TENM3: variants seen among roughly 807,000 people sequenced by gnomAD.
The protein encoded by TENM3 is teneurin-3.
In TENM3, 63 loss-of-function variants were observed where a neutral mutation model predicts 255.1. The ratio of observed to expected loss-of-function variants is 0.25; its 90% confidence interval spans 0.20 to 0.30. The LOEUF is 0.30. TENM3 is among the 10% of genes least tolerant of loss of function. TENM3 has a pLI of 1.00. For missense variants in TENM3, 2,929 were observed against 3,461.1 expected (o/e 0.85, Z 3.86); for synonymous variants, 1,306 against 1,322.3 (o/e 0.99, Z 0.27).
intron 6 of TENM3, among the ~76,000 whole-genome samples, chr4:182,662,409 C>T (rs1217518728): frequency 6.6e-6 from 1 of 152,284 alleles, no homozygotes; most frequent in Non-Finnish European, 1.5e-5. Flanking sequence ...AGACGTGGTA[C>T]GTTTCACTCT....
the TENM3 span, among the ~76,000 whole-genome samples, chr4:182,053,602 C>T: frequency 6.6e-6 from 1 of 152,264 alleles, no homozygotes; most frequent in Non-Finnish European, 1.5e-5. Flanking sequence ...GTACTGTGCA[C>T]CTGAGCTTTG....
chr4:181,903,715 C>T, the TENM3 span, among the ~76,000 whole-genome samples: 8 of 152,198 alleles, frequency 5.3e-5, no homozygotes, highest in East Asian at 1.5e-3. Flanking sequence ...GGGAAGCAAG[C>T]TTCCTTCCTT....
Position 182,601,108 on chromosome 4 carries a change from C to A in TENM3, c.696C>A (p.Ser232=). The A allele has an allele frequency of 6.2e-7, 1 of 1,613,782 alleles. No homozygotes were observed. The highest frequency in any genetic ancestry group is 8.5e-7 in the Non-Finnish European group (1 of 1,179,856). Residue 232 remains serine (S), a synonymous_variant, in exon 4 of 28, where the codon TCC becomes TCA. Transcript: ENST00000511685. ...CCGAGCTGCAAACCACACCCGAGTC[C>A]GTCCAGCTGCAGGACAGCTGGGTCC... ...LPAELQTTPE[S]VQLQDSWVLG...
the TENM3 span, among the ~76,000 whole-genome samples, chr4:181,804,500 C>T: frequency 6.6e-6 from 1 of 152,016 alleles, no homozygotes; most frequent in East Asian, 1.9e-4. Flanking sequence ...AAGGTATACA[C>T]AGAAGGAGAA....
intron 3 of TENM3, among the ~76,000 whole-genome samples, chr4:182,390,047 T>C (rs1324357525): frequency 1.3e-5 from 2 of 152,174 alleles, no homozygotes; most frequent in Admixed American, 1.3e-4. Flanking sequence ...AGGGTGCACA[T>C]AGCCCACCTC....
At chr4:181,744,955 T>C in the TENM3 span, among the ~76,000 whole-genome samples, 1 of 152,136 alleles carries the variant, frequency 6.6e-6, no homozygotes, top group African/African-American at 2.4e-5. Context: ...AGGTGAACAG[T>C]GTAATCTGTG....
At chr4:181,479,339 C>T in the TENM3 span, among the ~76,000 whole-genome samples, 158 of 152,272 alleles carry the variant, frequency 1.0e-3, no homozygotes, top group African/African-American at 3.8e-3. Flanking sequence ...GCTTCAATTG[C>T]CTACGCATCA....
At chr4:182,775,781 G>A (rs1237877156) in intron 24 of TENM3, among the ~76,000 whole-genome samples, 2 of 152,116 alleles carry the variant, frequency 1.3e-5, no homozygotes, top group Non-Finnish European at 2.9e-5. Context: ...CACCTAACTA[G>A]GGTTCAAAAA....
At chr4:181,814,729 T>G in the TENM3 span, among the ~76,000 whole-genome samples, 14 of 152,038 alleles carry the variant, frequency 9.2e-5, no homozygotes, top group Non-Finnish European at 2.1e-4. Flanking sequence ...AATTATGAAA[T>G]AATTTGCAAA....
At chr4:181,522,935 G>A in the TENM3 span, 1 of 794,822 alleles carries the variant, frequency 1.3e-6, no homozygotes. Flanking sequence ...CCAGAAAGAA[G>A]AGAATGGCAA....
the TENM3 span, among the ~76,000 whole-genome samples, chr4:181,620,272 AAAAATAAAAT>A: frequency 9.5e-4 from 104 of 109,100 alleles, 2 homozygotes; most frequent in South Asian, 0.021. Context: ...AAATAAAAAT[AAAAATAAAAT>A]AAAATAAAAT....
intron 16 of TENM3, among the ~76,000 whole-genome samples, chr4:182,735,531 G>T (rs951474683): frequency 6.6e-6 from 1 of 152,186 alleles, no homozygotes; most frequent in Non-Finnish European, 1.5e-5. Context: ...GGGAAACATT[G>T]CTGAACACTG....
chr4:182,544,491 T>C (rs1741234238), intron 3 of TENM3, among the ~76,000 whole-genome samples: 1 of 151,866 alleles, frequency 6.6e-6, no homozygotes, highest in Non-Finnish European at 1.5e-5. Flanking sequence ...CCACCATGCC[T>C]GGCTAATTTT....
At chr4:181,635,159 G>A in the TENM3 span, among the ~76,000 whole-genome samples, 1 of 152,126 alleles carries the variant, frequency 6.6e-6, no homozygotes, top group African/African-American at 2.4e-5. Flanking sequence ...GCAGCAGAAG[G>A]GAGGCATGCG....
chr4:182,650,719 C>T (rs1308951725), intron 5 of TENM3, among the ~76,000 whole-genome samples: 2 of 144,944 alleles, frequency 1.4e-5, no homozygotes, highest in Admixed American at 6.9e-5. Context: ...TCACTAAATA[C>T]GAAACACCAA....
chr4:181,582,389 C>T, the TENM3 span, among the ~76,000 whole-genome samples: 1 of 152,144 alleles, frequency 6.6e-6, no homozygotes, highest in African/African-American at 2.4e-5. Flanking sequence ...TTGCCTGATA[C>T]TGATGTACCT....
chr4:181,510,715 A>G, the TENM3 span, among the ~76,000 whole-genome samples: 1 of 152,246 alleles, frequency 6.6e-6, no homozygotes, highest in African/African-American at 2.4e-5. Flanking sequence ...GGTAACACGC[A>G]GCCAATGGGA....
chr4:182,198,113 T>A (rs905920044), intron 1 of TENM3, among the ~76,000 whole-genome samples: 1 of 150,416 alleles, frequency 6.6e-6, no homozygotes, highest in East Asian at 1.9e-4. Flanking sequence ...TCAAAAAAAA[T>A]AAATAAAAAA....
chr4:181,938,551 G>A, the TENM3 span, among the ~76,000 whole-genome samples: 3 of 152,144 alleles, frequency 2.0e-5, no homozygotes, highest in East Asian at 1.9e-4. Flanking sequence ...CTTAGTAGCC[G>A]ATAAAGGCCT....
Sources: allele counts gnomAD v4.1 joint callset (sites outside exome capture counted in the v4.1 genomes callset), GRCh38; gene constraint gnomAD v4.1.1; transcripts MANE v1.5; gene names NCBI Gene and HGNC (gene_info 2026-07-23, HGNC 2026-07-21).